The following MTCL1 variants were observed in gnomAD, a reference collection of about 807,000 sequenced individuals.
MTCL1 encodes the protein microtubule cross-linking factor 1.
Under a neutral mutation model 141.4 loss-of-function variants are expected in MTCL1, and 79 were observed. The ratio of observed to expected loss-of-function variants is 0.56; its 90% CI spans 0.47 to 0.67. The LOEUF is 0.67. MTCL1 is among the 30% of genes least tolerant of loss of function. The pLI, the probability that MTCL1 is intolerant of heterozygous loss-of-function variation, is 0.00. For synonymous variants in MTCL1, 914 were observed against 875.8 expected (o/e 1.04, Z -0.77); for missense variants, 2,177 against 2,113.9 (o/e 1.03, Z -0.59).
At chr18:8,711,948 G>C (rs2096095296) in intron 1 of MTCL1, among the ~76,000 whole-genome samples, 1 of 152,184 alleles carries the variant, frequency 6.6e-6, no homozygotes, top group Admixed American at 6.5e-5. Context: ...GAGACAGTCA[G>C]ACAAGCCGGA....
chr18:8,805,107 A>ATG (rs1283401955), intron 10 of MTCL1, among the ~76,000 whole-genome samples: 7 of 150,650 alleles, frequency 4.6e-5, no homozygotes, highest in African/African-American at 1.7e-4. Flanking sequence ...TTTTGAATAT[A>ATG]TATATATATA....
chr18:8,814,991 T>C (rs537169685), intron 12 of MTCL1, among the ~76,000 whole-genome samples: 14 of 152,326 alleles, frequency 9.2e-5, no homozygotes, highest in African/African-American at 2.6e-4. Context: ...GGAGAGGATG[T>C]GGAGAAATAG....
intron 4 of MTCL1, among the ~76,000 whole-genome samples, chr18:8,722,064 C>G (rs669118): frequency 6.6e-6 from 1 of 152,078 alleles, no homozygotes; most frequent in African/African-American, 2.4e-5. Context: ...TCCCAGGACT[C>G]GAGGAATTTG....
chr18:8,709,283 C>G (rs949801238), intron 1 of MTCL1, among the ~76,000 whole-genome samples: 2 of 152,000 alleles, frequency 1.3e-5, no homozygotes, highest in East Asian at 3.9e-4. Flanking sequence ...ACCTTGAACC[C>G]GTGGGCTCAA....
At chr18:8,706,087 C>G in exon 1 of MTCL1, 2 of 1,203,898 alleles carry the variant, frequency 1.7e-6, no homozygotes, top group African/African-American at 1.6e-5. Flanking sequence ...GCCGCTGTCC[C>G]GGGCTGGGAA....
chr18:8,769,273 C>G (rs1224971784), intron 4 of MTCL1, among the ~76,000 whole-genome samples: 1 of 152,176 alleles, frequency 6.6e-6, no homozygotes, highest in Non-Finnish European at 1.5e-5. Context: ...TAAGTGCCAG[C>G]ATGGATGTGC....
At chr18:8,818,073 G>T (rs1025204307) in intron 12 of MTCL1, among the ~76,000 whole-genome samples, 2 of 152,132 alleles carry the variant, frequency 1.3e-5, no homozygotes, top group African/African-American at 2.4e-5. Flanking sequence ...ATCTAGTGCC[G>T]CAAAACAGCC....
At chr18:8,831,811 C>T in exon 17 of MTCL1, 1 of 1,550,086 alleles carries the variant, frequency 6.5e-7, no homozygotes, top group Non-Finnish European at 8.7e-7. Flanking sequence ...TGCAAGCTTG[C>T]ATGGATTATC....
At chr18:8,709,900 C>T (rs2096077372) in intron 1 of MTCL1, among the ~76,000 whole-genome samples, 2 of 152,060 alleles carry the variant, frequency 1.3e-5, no homozygotes, top group South Asian at 2.1e-4. Flanking sequence ...AATGCAGTGG[C>T]GTGATCTCGG....
intron 4 of MTCL1, among the ~76,000 whole-genome samples, chr18:8,764,552 A>C (rs2096450077): frequency 1.3e-5 from 2 of 152,126 alleles, no homozygotes; most frequent in Admixed American, 1.3e-4. Flanking sequence ...TCTTGACCTC[A>C]GGTGACCCAC....
upstream of MTCL1, among the ~76,000 whole-genome samples, chr18:8,713,900 A>C (rs1156995367): frequency 6.6e-6 from 1 of 152,206 alleles, no homozygotes; most frequent in East Asian, 1.9e-4. Context: ...CCATGGCTGC[A>C]CCACTGCGCT....
At chr18:8,761,184 G>T (rs1278725452) in intron 4 of MTCL1, among the ~76,000 whole-genome samples, 5 of 152,134 alleles carry the variant, frequency 3.3e-5, no homozygotes, top group Non-Finnish European at 7.3e-5. Context: ...AGAGGAAAGA[G>T]AATATATAGG....
At chr18:8,728,007 A>G (rs1050623411) in intron 4 of MTCL1, among the ~76,000 whole-genome samples, 14 of 152,136 alleles carry the variant, frequency 9.2e-5, no homozygotes, top group Admixed American at 9.2e-4. Context: ...CATGTTTAAC[A>G]TGCATGTTTG....
rs1319739387 is a variant in MTCL1 at position 8,748,564 on chromosome 18, G to GTA, written c.357+28069_357+28070insAT. On this transcript the variant is annotated intron_variant, in intron 4 of 16. Coordinates refer to ENST00000359865, the Ensembl canonical transcript of MTCL1. ...CCTGTCTCCAAATATATGTATGTAT[G>GTA]TGTATATATATATATGCACACACAC... 1.5e-3 allele frequency among the ~76,000 whole-genome samples: 224 copies of GTA among 151,742 alleles called. 3 individuals are homozygous for GTA. The highest frequency in any genetic ancestry group is 5.3e-3 in the African/African-American group (218 of 41,320).
chr18:8,831,555 C>G (rs2077191823), intron 16 of MTCL1, 52 bp from the exon 15 acceptor site: 3 of 1,537,348 alleles, frequency 2.0e-6, no homozygotes, highest in South Asian at 1.2e-5. Context: ...GAATCATCCA[C>G]TGGTGACACT....
intron 1 of MTCL1, among the ~76,000 whole-genome samples, chr18:8,712,003 C>G (rs1035652282): frequency 6.6e-6 from 1 of 152,130 alleles, no homozygotes; most frequent in Admixed American, 6.5e-5. Context: ...TTTCCACAGG[C>G]TTTTCAGGAG....
rs151062584 is a variant in MTCL1 at position 8,790,866 on chromosome 18, T to C, written c.1888-2132T>C. 3.0e-3 allele frequency among the ~76,000 whole-genome samples: 454 copies of C among 152,116 alleles called. 3 individuals are homozygous for C. Among genetic ancestry groups the C allele is most frequent in the South Asian group, 0.016 (75 of 4,814 alleles). ...CCTATCTCTACTAAAAATACAAAAA[T>C]TAGCTGGGTGTCATGGTGGGTACCT... On this transcript the variant is annotated intron_variant, in intron 7 of 16. Coordinates refer to ENST00000359865, the Ensembl canonical transcript of MTCL1.
At chr18:8,829,736 G>T in intron 16 of MTCL1, 3 of 985,298 alleles carry the variant, frequency 3.0e-6, no homozygotes, top group Non-Finnish European at 2.4e-6. Context: ...AGGGAACACA[G>T]GGAGGGTCAA....
intron 4 of MTCL1, among the ~76,000 whole-genome samples, chr18:8,766,149 T>C (rs1020504188): frequency 5.3e-5 from 8 of 152,086 alleles, no homozygotes; most frequent in Admixed American, 2.6e-4. Flanking sequence ...AAACATGAGA[T>C]TGATGTGTTT....
Sources: allele counts gnomAD v4.1 joint callset (sites outside exome capture counted in the v4.1 genomes callset), GRCh38; gene constraint gnomAD v4.1.1; transcripts MANE v1.5; gene names NCBI Gene and HGNC (gene_info 2026-07-23, HGNC 2026-07-21).